VSTM4: variants seen among roughly 807,000 people sequenced by gnomAD.
VSTM4 encodes the protein V-set and transmembrane domain-containing protein 4.
Under a neutral mutation model 36.4 loss-of-function variants are expected in VSTM4, and 20 were observed. The observed-to-expected ratio is 0.55, with a 90% CI of 0.39 to 0.80. The LOEUF is 0.80. Ranked by LOEUF, VSTM4 falls within the 30% of genes least tolerant of loss-of-function variation. VSTM4 has a pLI of 0.00. For missense variants in VSTM4, 392 were observed against 404.5 expected, an observed-to-expected ratio of 0.97 and a Z score of 0.26; for synonymous variants, 182 against 173.9, an observed-to-expected ratio of 1.05 and a Z score of -0.37.
At chr10:49,038,142 A>G (rs1486227452) in intron 7 of VSTM4, among the ~76,000 whole-genome samples, 2 of 152,226 alleles carry the variant, frequency 1.3e-5, no homozygotes, top group East Asian at 1.9e-4. Flanking sequence ...CAAGAACTCA[A>G]ACAGATATTT....
intron 2 of VSTM4, among the ~76,000 whole-genome samples, chr10:49,091,381 T>C (rs534132589): frequency 2.6e-4 from 39 of 152,288 alleles, no homozygotes; most frequent in Admixed American, 8.5e-4. Context: ...TGCCCCTCTG[T>C]TGAAGAAAGT....
intron 7 of VSTM4, among the ~76,000 whole-genome samples, chr10:49,023,510 G>T (rs529906390): frequency 9.2e-5 from 14 of 152,310 alleles, no homozygotes; most frequent in Admixed American, 2.0e-4. Flanking sequence ...CTAAAAAACT[G>T]GTGGTAAAAC....
At chr10:49,064,795 C>G in intron 4 of VSTM4, 59 bp from the exon 5 acceptor site, 1 of 1,558,828 alleles carries the variant, frequency 6.4e-7, no homozygotes, top group Non-Finnish European at 8.8e-7. Flanking sequence ...TATATATGCT[C>G]CAGGAATTAC....
intron 1 of VSTM4, among the ~76,000 whole-genome samples, chr10:49,112,808 G>A (rs889948456): frequency 1.3e-5 from 2 of 152,228 alleles, no homozygotes; most frequent in Non-Finnish European, 1.5e-5. Flanking sequence ...GTTTGTAGAC[G>A]AATCTCAAAT....
At chr10:49,098,680 A>C (rs1844616108) in intron 2 of VSTM4, among the ~76,000 whole-genome samples, 1 of 152,030 alleles carries the variant, frequency 6.6e-6, no homozygotes, top group Non-Finnish European at 1.5e-5. Context: ...CCCCCACATA[A>C]ACCACCAAGG....
chr10:49,048,911 G>A (rs1843656240), intron 5 of VSTM4, among the ~76,000 whole-genome samples: 1 of 152,198 alleles, frequency 6.6e-6, no homozygotes, highest in Non-Finnish European at 1.5e-5. Context: ...TGGGTTGATG[G>A]TTGACACCTG....
At chr10:49,112,430 G>A (rs1844911766) in intron 1 of VSTM4, among the ~76,000 whole-genome samples, 1 of 152,262 alleles carries the variant, frequency 6.6e-6, no homozygotes, top group Admixed American at 6.5e-5. Context: ...AACCAGGCCG[G>A]AAACCTGATT....
At chr10:49,053,883 C>T (rs569288059) in intron 5 of VSTM4, among the ~76,000 whole-genome samples, 33 of 152,320 alleles carry the variant, frequency 2.2e-4, no homozygotes, top group Middle Eastern at 3.4e-3. Context: ...CATTCCTGAG[C>T]GATGGGCAGC....
At chr10:49,072,794 A>G (rs1487526062) in intron 4 of VSTM4, among the ~76,000 whole-genome samples, 4 of 152,150 alleles carry the variant, frequency 2.6e-5, no homozygotes, top group Non-Finnish European at 5.9e-5. Flanking sequence ...GAGTGGCACT[A>G]CCTTGGATCT....
At chr10:49,038,964 C>T (rs964395635) in intron 7 of VSTM4, among the ~76,000 whole-genome samples, 3 of 152,104 alleles carry the variant, frequency 2.0e-5, no homozygotes, top group African/African-American at 4.8e-5. Context: ...AACCAGAGGG[C>T]CCAGGCCTCT....
rs1393994179 is a variant in VSTM4 at position 49,016,818 on chromosome 10, G to C, written c.*2832C>G. ...CAGCTGCTTCAGGGCAGGCCTCGGG[G>C]CTTTGGCTTGGCAAGACAGTTTCAC... On this transcript the variant is annotated 3_prime_UTR_variant, in exon 8 of 8. Transcript: ENST00000332853. 6.6e-6 allele frequency: 1 copy of C among 152,200 alleles called. No homozygotes were observed. The highest frequency in any genetic ancestry group is 1.5e-5 in the Non-Finnish European group (1 of 68,050). The allele number at this position is 152,200 out of a possible 1,614,324, so 9.4% of individuals were successfully genotyped here.
chr10:49,105,268 A>C (rs1189033084), intron 2 of VSTM4, among the ~76,000 whole-genome samples: 4 of 147,018 alleles, frequency 2.7e-5, no homozygotes. Flanking sequence ...AGCCAGAAAC[A>C]GAGAGACAGA....
chr10:49,070,252 C>CAAAAA (rs780515012), intron 4 of VSTM4, among the ~76,000 whole-genome samples: 831 of 21,726 alleles, frequency 0.038, 139 homozygotes, highest in Non-Finnish European at 0.046. Flanking sequence ...GACTCCGTCT[C>CAAAAA]AAAAAAAAAA....
chr10:49,089,553 T>A (rs1380493146), intron 2 of VSTM4, among the ~76,000 whole-genome samples: 1 of 152,208 alleles, frequency 6.6e-6, no homozygotes, highest in Non-Finnish European at 1.5e-5. Flanking sequence ...TATGGACACA[T>A]GTGTTGAAAG....
chr10:49,027,873 G>C (rs1425021575), intron 7 of VSTM4, among the ~76,000 whole-genome samples: 1 of 152,186 alleles, frequency 6.6e-6, no homozygotes, highest in African/African-American at 2.4e-5. Context: ...GTTTTTAGTG[G>C]TTATAGAGTT....
At chr10:49,115,154 G>T (rs1201578117) in intron 1 of VSTM4, among the ~76,000 whole-genome samples, 1 of 152,174 alleles carries the variant, frequency 6.6e-6, no homozygotes. Context: ...GCCTGCCGCT[G>T]GGAAGATCTC....
chr10:49,033,942 CATT>C (rs1843385754), intron 7 of VSTM4, among the ~76,000 whole-genome samples: 1 of 149,624 alleles, frequency 6.7e-6, no homozygotes, highest in Admixed American at 6.7e-5. Context: ...TCACTACCAT[CATT>C]ATCACCATTA....
At chr10:49,043,634 C>A (rs1408870385) in intron 7 of VSTM4, among the ~76,000 whole-genome samples, 1 of 152,012 alleles carries the variant, frequency 6.6e-6, no homozygotes, top group Non-Finnish European at 1.5e-5. Flanking sequence ...GAATAAATAA[C>A]AAAACAAAAA....
intron 3 of VSTM4, among the ~76,000 whole-genome samples, chr10:49,079,924 C>CT (rs34509848): frequency 0.27 from 41,639 of 152,008 alleles, 5,882 homozygotes; most frequent in Admixed American, 0.35. Context: ...ACTTTCACAT[C>CT]TTTTTTCAAT....
Sources: allele counts gnomAD v4.1 joint callset (sites outside exome capture counted in the v4.1 genomes callset), GRCh38; gene constraint gnomAD v4.1.1; transcripts MANE v1.5; gene names NCBI Gene and HGNC (gene_info 2026-07-23, HGNC 2026-07-21).